LAMA2: variants seen among roughly 807,000 people sequenced by gnomAD.
LAMA2 encodes the protein laminin subunit alpha-2.
In LAMA2, 269 loss-of-function variants were observed where a neutral mutation model predicts 364.8. The ratio of observed to expected loss-of-function variants is 0.74; its 90% CI spans 0.67 to 0.82. The LOEUF is 0.82. Ranked by LOEUF, LAMA2 falls within the 40% of genes least tolerant of loss-of-function variation. The probability of loss-of-function intolerance (pLI) is 0.00; values close to 1 mark genes in which losing one functional copy is unlikely to be tolerated. For synonymous variants in LAMA2, 1,379 were observed against 1,370.6 expected (o/e 1.01, Z -0.14); for missense variants, 3,807 against 3,873.2 (o/e 0.98, Z 0.45).
intron 1 of LAMA2, among the ~76,000 whole-genome samples, chr6:128,933,918 C>G (rs1779651300): frequency 6.6e-6 from 1 of 152,176 alleles, no homozygotes; most frequent in African/African-American, 2.4e-5. Flanking sequence ...ATTGTATCCT[C>G]TGCTGTAGAA....
At chr6:129,048,084 A>G (rs3890754) in intron 1 of LAMA2, among the ~76,000 whole-genome samples, 3 of 152,208 alleles carry the variant, frequency 2.0e-5, no homozygotes, top group South Asian at 4.1e-4. Context: ...TATGAAGCTC[A>G]TGTGGATGTT....
intron 4 of LAMA2, among the ~76,000 whole-genome samples, chr6:129,140,828 G>A (rs939313465): frequency 6.6e-6 from 1 of 152,076 alleles, no homozygotes; most frequent in Non-Finnish European, 1.5e-5. Context: ...AACAGCTTGG[G>A]ACTAACTATA....
chr6:129,050,093 G>A lies in LAMA2; in HGVS notation c.283+5G>A. On this transcript the variant is annotated splice_donor_5th_base_variant and intron_variant, in intron 2 of 64. Coordinates refer to ENST00000421865, the MANE Select transcript of LAMA2 (RefSeq NM_000426.4). ...AAAACAGCAGCAATCCAAACCGTATGTATTTTAGTGTGTAGGTGTGTGGCG... is the reference window on the plus strand; with the variant it reads ...AAAACAGCAGCAATCCAAACCGTATATATTTTAGTGTGTAGGTGTGTGGCG... The A allele has an allele frequency of 1.2e-6, 2 of 1,614,144 alleles. No individual in the cohort carries two copies. The highest frequency in any genetic ancestry group is 2.2e-5 in the East Asian group (1 of 44,884).
chr6:129,498,670 A>AAAT (rs1293421707), intron 58 of LAMA2, among the ~76,000 whole-genome samples: 1 of 152,310 alleles, frequency 6.6e-6, no homozygotes, highest in East Asian at 1.9e-4. Context: ...TTTATTAGAG[A>AAAT]AATTAATTAT....
At chr6:129,086,057 A>T (rs1323289365) in intron 3 of LAMA2, among the ~76,000 whole-genome samples, 1 of 152,198 alleles carries the variant, frequency 6.6e-6, no homozygotes, top group Non-Finnish European at 1.5e-5. Flanking sequence ...TGAGGTCACC[A>T]CTTTAAAATT....
At chr6:129,026,798 A>C (rs1785857681) in intron 1 of LAMA2, among the ~76,000 whole-genome samples, 1 of 152,154 alleles carries the variant, frequency 6.6e-6, no homozygotes, top group African/African-American at 2.4e-5. Context: ...GATTTTGCAG[A>C]GTTTTCAAGC....
At chr6:129,252,031 T>G in intron 13 of LAMA2, 53 bp from the exon 14 acceptor site, 1 of 1,214,120 alleles carries the variant, frequency 8.2e-7, no homozygotes, top group South Asian at 1.2e-5. Context: ...TTGACACTTT[T>G]GTACCCTCTT....
chr6:129,070,785 G>A (rs147067685), intron 3 of LAMA2, among the ~76,000 whole-genome samples: 4 of 152,172 alleles, frequency 2.6e-5, no homozygotes, highest in East Asian at 3.9e-4. Context: ...TTGACGTTTT[G>A]TCTAGTTTGG....
chr6:129,499,412 A>ATTCT (rs1401122895), intron 58 of LAMA2, among the ~76,000 whole-genome samples: 3 of 152,192 alleles, frequency 2.0e-5, no homozygotes, highest in Non-Finnish European at 4.4e-5. Context: ...TGCAATGACC[A>ATTCT]TTCTTTAAAA....
chr6:128,912,316 G>A (rs367599752), intron 1 of LAMA2, among the ~76,000 whole-genome samples: 2 of 141,304 alleles, frequency 1.4e-5, no homozygotes, highest in African/African-American at 6.1e-5. Flanking sequence ...GAATGATACC[G>A]TAATGGATAT....
intron 1 of LAMA2, among the ~76,000 whole-genome samples, chr6:129,019,670 G>A (rs1230522884): frequency 6.6e-6 from 1 of 151,974 alleles, no homozygotes; most frequent in Non-Finnish European, 1.5e-5. Flanking sequence ...CCTGTTTAAT[G>A]TTGATTCTTC....
intron 3 of LAMA2, among the ~76,000 whole-genome samples, chr6:129,077,895 A>G (rs1162184175): frequency 6.6e-6 from 1 of 152,206 alleles, no homozygotes; most frequent in Non-Finnish European, 1.5e-5. Context: ...GCAGAGCAAA[A>G]GGATTTTTAA....
chr6:129,357,282 T>C (rs935203915), intron 32 of LAMA2, among the ~76,000 whole-genome samples: 1 of 152,058 alleles, frequency 6.6e-6, no homozygotes, highest in African/African-American at 2.4e-5. Flanking sequence ...ATAACCCATG[T>C]GATGTTTAAA....
At chr6:129,023,746 T>A (rs1440911007) in intron 1 of LAMA2, among the ~76,000 whole-genome samples, 3 of 152,230 alleles carry the variant, frequency 2.0e-5, no homozygotes, top group Non-Finnish European at 4.4e-5. Flanking sequence ...ATCTTGTTCT[T>A]AGTCTTGCCA....
chr6:129,251,020 C>G (rs138247403), intron 13 of LAMA2, among the ~76,000 whole-genome samples: 18 of 145,508 alleles, frequency 1.2e-4, no homozygotes, highest in East Asian at 4.4e-4. Context: ...CTCTCTTTCT[C>G]TCTCTCTCTG....
chr6:129,401,542 G>T (rs910798363), intron 38 of LAMA2, among the ~76,000 whole-genome samples: 2 of 152,196 alleles, frequency 1.3e-5, no homozygotes, highest in Non-Finnish European at 2.9e-5. Flanking sequence ...GAGTGTTTGT[G>T]TAAGTGTACT....
intron 4 of LAMA2, among the ~76,000 whole-genome samples, chr6:129,114,482 G>A (rs899063479): frequency 6.6e-6 from 1 of 151,902 alleles, no homozygotes; most frequent in Non-Finnish European, 1.5e-5. Context: ...TTCCCTAAAG[G>A]AAAACTACAA....
At chr6:129,404,653 A>G (rs1780154197) in intron 40 of LAMA2, among the ~76,000 whole-genome samples, 2 of 152,120 alleles carry the variant, frequency 1.3e-5, no homozygotes, top group South Asian at 2.1e-4. Flanking sequence ...AAAAAATCTC[A>G]TAGGAATCAT....
chr6:129,076,439 TATATA>T (rs1302915789), intron 3 of LAMA2, among the ~76,000 whole-genome samples: 1 of 144,226 alleles, frequency 6.9e-6, no homozygotes, highest in African/African-American at 2.5e-5. Context: ...TATATAAATA[TATATA>T]ATATATTATA....
Sources: gnomAD v4.1 joint callset for allele counts (sites outside exome capture counted in the v4.1 genomes callset) on GRCh38, gnomAD v4.1.1 for gene constraint, MANE v1.5 for transcripts, NCBI Gene and HGNC (gene_info 2026-07-23, HGNC 2026-07-21) for gene names.